The following HS3ST4 variants were observed in gnomAD, a reference collection of about 807,000 sequenced individuals.
HS3ST4 encodes the protein heparan sulfate glucosamine 3-O-sulfotransferase 4.
Under a neutral mutation model 29.2 loss-of-function variants are expected in HS3ST4, and 17 were observed. That is an observed-to-expected ratio of 0.58 (90% CI 0.40 to 0.87). HS3ST4 has a LOEUF of 0.87. Among genes scored for constraint, HS3ST4 ranks in the 40% least tolerant of loss-of-function variants. The probability of loss-of-function intolerance (pLI) is 0.00; values close to 1 mark genes in which losing one functional copy is unlikely to be tolerated. For synonymous variants in HS3ST4, 314 were observed against 285.7 expected (o/e 1.10, Z -1.00); for missense variants, 627 against 634.5 (o/e 0.99, Z 0.13).
At chr16:26,032,838 G>C (rs113388810) in intron 1 of HS3ST4, 2 of 1,568,428 alleles carry the variant, frequency 1.3e-6, no homozygotes, top group Non-Finnish European at 1.7e-6. Flanking sequence ...GCAGCAGGAC[G>C]TAGGTGCTGG....
chr16:25,786,415 G>A (rs1419655002), intron 1 of HS3ST4, among the ~76,000 whole-genome samples: 1 of 152,114 alleles, frequency 6.6e-6, no homozygotes, highest in Non-Finnish European at 1.5e-5. Context: ...CAAAAAATGG[G>A]CATGCAACAT....
chr16:26,001,461 G>C (rs1969211124), intron 1 of HS3ST4, among the ~76,000 whole-genome samples: 1 of 151,906 alleles, frequency 6.6e-6, no homozygotes, highest in African/African-American at 2.4e-5. Flanking sequence ...CAACCTTTCT[G>C]TAAGTTTGAA....
At chr16:26,044,825 G>T (rs1898245724) in intron 1 of HS3ST4, among the ~76,000 whole-genome samples, 1 of 152,084 alleles carries the variant, frequency 6.6e-6, no homozygotes, top group Admixed American at 6.5e-5. Flanking sequence ...AATCATCCAT[G>T]TCCCATTGAA....
At chr16:25,921,282 C>G (rs1321286989) in intron 1 of HS3ST4, among the ~76,000 whole-genome samples, 1 of 152,196 alleles carries the variant, frequency 6.6e-6, no homozygotes, top group Non-Finnish European at 1.5e-5. Context: ...GATTCAGCAT[C>G]CATACAAATT....
rs180868679 is a variant in HS3ST4 at position 26,137,172 on chromosome 16, A to G, written c.*924A>G. On this transcript the variant is annotated 3_prime_UTR_variant, in exon 2 of 2. Transcript: ENST00000331351. The stretch of plus-strand genomic sequence containing the variant: ...ACCTTACCTGAAGACCATCTCTCCC[A>G]AGCACTGTAGTTCTGAGCATGTTTT... 5 of 152,138 alleles carry G rather than the reference A, an allele frequency of 3.3e-5. No individual in the cohort carries two copies. The highest frequency in any genetic ancestry group is 7.4e-5 in the Non-Finnish European group (5 of 68,014). 9.4% of individuals were successfully genotyped at this position (152,138 alleles called of 1,614,324 possible).
chr16:26,024,505 G>A (rs1439348372), intron 1 of HS3ST4, among the ~76,000 whole-genome samples: 6 of 152,140 alleles, frequency 3.9e-5, no homozygotes, highest in African/African-American at 1.4e-4. Context: ...GCTGAGGCAG[G>A]CAGATCCTCT....
chr16:25,880,210 G>A (rs942926543), intron 1 of HS3ST4, among the ~76,000 whole-genome samples: 4 of 152,070 alleles, frequency 2.6e-5, no homozygotes, highest in African/African-American at 4.8e-5. Context: ...TAGGTTGTTC[G>A]TGTCATTAAT....
At chr16:26,013,897 A>G (rs77878838) in intron 1 of HS3ST4, among the ~76,000 whole-genome samples, 8 of 152,086 alleles carry the variant, frequency 5.3e-5, no homozygotes, top group Non-Finnish European at 1.0e-4. Context: ...AGTCCCAGCT[A>G]CTCTGGTGGC....
intron 1 of HS3ST4, among the ~76,000 whole-genome samples, chr16:25,903,317 TA>T (rs1467238598): frequency 8.3e-6 from 1 of 121,016 alleles, no homozygotes; most frequent in Admixed American, 9.4e-5. Context: ...TATATGTATA[TA>T]TTATATATAT....
At chr16:26,093,348 A>G (rs1179387665) in intron 1 of HS3ST4, among the ~76,000 whole-genome samples, 1 of 152,154 alleles carries the variant, frequency 6.6e-6, no homozygotes, top group Non-Finnish European at 1.5e-5. Flanking sequence ...GGGCTGACAG[A>G]CACCTCATAC....
chr16:25,870,398 A>C (rs950763370), intron 1 of HS3ST4, among the ~76,000 whole-genome samples: 1 of 152,192 alleles, frequency 6.6e-6, no homozygotes, highest in East Asian at 1.9e-4. Flanking sequence ...AGTGTTAGGG[A>C]GTAAAAAAAA....
intron 1 of HS3ST4, among the ~76,000 whole-genome samples, chr16:26,114,344 C>T (rs1899174244): frequency 6.6e-6 from 1 of 152,124 alleles, no homozygotes; most frequent in African/African-American, 2.4e-5. Flanking sequence ...GTAATTATTT[C>T]CACATTAATA....
At position 25,693,120 on chromosome 16, in the gene HS3ST4, A is replaced by C. The variant is rs758633456; in HGVS notation, c.703A>C (p.Arg235=). The C allele has an allele frequency of 3.1e-6, 5 of 1,608,770 alleles. No homozygotes were observed. In the Admixed American group the frequency reaches 8.4e-5, roughly 27 times the overall value. Residue 235 remains arginine, a synonymous_variant, in exon 1 of 2, where the codon AGG becomes CGG. Transcript: ENST00000331351. ...GGGCGTAGAGCCGCACTTCTTCGAC[A>C]GGAACTACGAAAAGGGGTTGGAGTG... The part of the protein sequence containing the change: ...AVGVEPHFFD[R]NYEKGLEWYR...
intron 1 of HS3ST4, among the ~76,000 whole-genome samples, chr16:26,072,039 GC>G (rs1898609161): frequency 6.6e-6 from 1 of 152,124 alleles, no homozygotes; most frequent in Admixed American, 6.5e-5. Context: ...TTTTGATGCA[GC>G]TGAAGGAAGG....
chr16:26,075,807 A>G (rs1201810168), intron 1 of HS3ST4, among the ~76,000 whole-genome samples: 1 of 152,218 alleles, frequency 6.6e-6, no homozygotes, highest in Admixed American at 6.5e-5. Flanking sequence ...TCAATACTAG[A>G]AAGAATACAT....
chr16:25,710,843 A>G (rs7500772), intron 1 of HS3ST4, among the ~76,000 whole-genome samples: 92,699 of 113,464 alleles, frequency 0.82, 38,801 homozygotes, highest in East Asian at 1. Context: ...TAATGACAGG[A>G]TCTTGCTTCG....
intron 1 of HS3ST4, among the ~76,000 whole-genome samples, chr16:25,772,634 GA>G (rs1254134753): frequency 6.6e-6 from 1 of 152,172 alleles, no homozygotes. Context: ...CTGAAACATG[GA>G]AATACACACT....
In HS3ST4 at chr16:26,135,599, C is replaced by T. The variant is rs1224026554; in HGVS notation, c.735-13C>T. 15 of 1,560,210 alleles carry T rather than the reference C, an allele frequency of 9.6e-6. No homozygotes were observed. The Admixed American group carries it at 1.6e-4, about 16-fold the overall frequency. On this transcript the variant is annotated splice_polypyrimidine_tract_variant and intron_variant, in intron 1 of 1. Coordinates refer to ENST00000331351, the MANE Select transcript of HS3ST4 (RefSeq NM_006040.3). ...GGAATAACCATTCTCTTCCTTTTTC[C>T]TCCCTCTCCTAGAAATGTGATGCCC...
rs1348605509 is a variant in HS3ST4 at position 26,135,783 on chromosome 16, G to A, written c.906G>A (p.Leu302=). The change falls in exon 2 of 2, where the codon CTG becomes CTA. Residue 302 remains leucine (L), a synonymous_variant. Coordinates refer to ENST00000331351, the MANE Select transcript of HS3ST4 (RefSeq NM_006040.3). ...TRAISDYTQT[L]SKKPEIPTFE... ...CCATCTCTGACTACACGCAGACACT[G>A]TCAAAGAAACCCGAGATCCCCACCT... 1.9e-6 allele frequency: 3 copies of A among 1,610,318 alleles called. No individual in the cohort carries two copies. Among genetic ancestry groups the A allele is most frequent in the Non-Finnish European group, 2.5e-6 (3 of 1,178,626 alleles).
Sources: allele counts gnomAD v4.1 joint callset (sites outside exome capture counted in the v4.1 genomes callset), GRCh38; gene constraint gnomAD v4.1.1; transcripts MANE v1.5; gene names NCBI Gene and HGNC (gene_info 2026-07-23, HGNC 2026-07-21).